The following RSPH3 variants were observed in gnomAD, a reference collection of about 807,000 sequenced individuals.
RSPH3 encodes the protein radial spoke head protein 3 homolog.
A neutral mutation model predicts 43.8 loss-of-function variants in RSPH3; 21 were observed. The observed-to-expected ratio is 0.48, with a 90% CI of 0.34 to 0.69. The LOEUF (loss-of-function observed/expected upper bound fraction) is 0.69. Among genes scored for constraint, RSPH3 ranks in the 30% least tolerant of loss-of-function variants. The pLI is 0.01. For synonymous variants in RSPH3, 173 were observed against 179.8 expected (o/e 0.96, Z 0.30); for missense variants, 487 against 516.0 (o/e 0.94, Z 0.54).
At chr6:158,994,788 A>C (rs1360583573) in intron 1 of RSPH3, among the ~76,000 whole-genome samples, 1 of 152,244 alleles carries the variant, frequency 6.6e-6, no homozygotes, top group Non-Finnish European at 1.5e-5. Context: ...TAGCTAAGAC[A>C]CTAAACATTG....
intron 2 of RSPH3, among the ~76,000 whole-genome samples, chr6:158,993,423 G>A (rs975238478): frequency 1.4e-5 from 2 of 147,134 alleles, no homozygotes; most frequent in Non-Finnish European, 3.0e-5. Flanking sequence ...GCCAACTGGG[G>A]CTTGCTTTTT....
At chr6:158,965,618 A>G in the RSPH3 span, among the ~76,000 whole-genome samples, 106 of 152,212 alleles carry the variant, frequency 7.0e-4, no homozygotes, top group African/African-American at 2.5e-3. Flanking sequence ...TGCGATTTTT[A>G]TAAACTATTG....
chr6:158,992,207 T>C (rs1197427075), intron 2 of RSPH3, among the ~76,000 whole-genome samples: 2 of 151,334 alleles, frequency 1.3e-5, no homozygotes, highest in South Asian at 4.2e-4. Context: ...ACGTATTTCT[T>C]GATACTCCCT....
In RSPH3 at chr6:159,000,041, C is replaced by T; in HGVS notation, c.-491G>A. Reference sequence around the variant, plus strand: ...GGCTTTGGAATGTGGCTTTGCAGGGCTGGTGTTGGCGCCATTCTCGCAGGC... The same window carrying T: ...GGCTTTGGAATGTGGCTTTGCAGGGTTGGTGTTGGCGCCATTCTCGCAGGC... On this transcript the variant is annotated 5_prime_UTR_variant, in exon 1 of 8. Coordinates refer to ENST00000367069, the MANE Select transcript of RSPH3 (RefSeq NM_031924.8). 1.4e-6 allele frequency: 2 copies of T among 1,469,024 alleles called. No homozygotes were observed. Among genetic ancestry groups the T allele is most frequent in the Non-Finnish European group, 1.8e-6 (2 of 1,097,414 alleles). 91.0% of individuals were successfully genotyped at this position (1,469,024 alleles called of 1,614,324 possible).
chr6:158,983,141 A>C (rs1778092114), intron 4 of RSPH3, among the ~76,000 whole-genome samples: 3 of 152,322 alleles, frequency 2.0e-5, no homozygotes, highest in Middle Eastern at 3.4e-3. Context: ...TCAAGTTCCC[A>C]CAAGTGTTAA....
rs971790982 is a variant in RSPH3, at chr6:158,976,842, G to C, written c.*696C>G. 9 of 152,354 alleles carry C rather than the reference G, an allele frequency of 5.9e-5. No homozygotes were observed. The highest frequency in any genetic ancestry group is 1.3e-4 in the Non-Finnish European group (9 of 68,498). The allele number at this position is 152,354 out of a possible 1,614,324, so 9.4% of individuals were successfully genotyped here. A position where few individuals can be genotyped will look rare whatever the true frequency, so the allele number is the denominator to read the frequency against. On this transcript the variant is annotated 3_prime_UTR_variant, in exon 8 of 8. Coordinates refer to ENST00000367069, the MANE Select transcript of RSPH3 (RefSeq NM_031924.8). ...TTTTTTCTTTTTTTTTTGAGACGGA[G>C]TTTTGCTCTTGTTGCCCAGGCTGGA...
At position 158,999,517 on chromosome 6, in the gene RSPH3, C is replaced by A; in HGVS notation, c.34G>T (p.Ala12Ser). 1 of 1,547,480 alleles carries A rather than the reference C, an allele frequency of 6.5e-7. No individual in the cohort carries two copies. The highest frequency in any genetic ancestry group is 1.2e-5 in the South Asian group (1 of 82,280). Residue 12 changes from alanine to serine, a missense_variant, in exon 1 of 8, where the codon GCC becomes TCC. Physicochemically the swap from Ala to Ser is moderately conservative, Grantham distance 99. Coordinates refer to ENST00000367069, the MANE Select transcript of RSPH3 (RefSeq NM_031924.8). ...CTGGTGTAGGTGTAGGTGCTCGGGG[C>A]CCGAGAGGTGCGATCAGTCAGCGCT... The part of the protein sequence containing the change: ...ASALTDRTSR[A>S]PSTYTYTSRP...
chr6:158,964,744 C>T, the RSPH3 span, among the ~76,000 whole-genome samples: 1 of 152,068 alleles, frequency 6.6e-6, no homozygotes, highest in Admixed American at 6.6e-5. Flanking sequence ...GCTTTGATAA[C>T]ATTTTCATCC....
rs770414867 is a variant in RSPH3, at chr6:158,993,880, C to G, written c.163G>C (p.Val55Leu). 51 of 1,612,324 alleles carry G rather than the reference C, an allele frequency of 3.2e-5. No individual in the cohort carries two copies. The highest frequency in any genetic ancestry group is 3.7e-5 in the Non-Finnish European group (44 of 1,178,640). ...AGTGCATAAGTGTTACCTCGAATTACCCTTCTGTCATACATTATGTTTCCA... is the reference window on the plus strand; with the variant it reads ...AGTGCATAAGTGTTACCTCGAATTAGCCTTCTGTCATACATTATGTTTCCA... ...HYGNIMYDRR[V>L]IRGNTYALQT... Residue 55 changes from valine to leucine, a missense_variant, in exon 2 of 8, where the codon GTA becomes CTA. Transcript: ENST00000367069.
chr6:158,996,243 A>C (rs1035160281), intron 1 of RSPH3, among the ~76,000 whole-genome samples: 1 of 152,254 alleles, frequency 6.6e-6, no homozygotes, highest in African/African-American at 2.4e-5. Context: ...AAATGAGGGA[A>C]TGTCATTATC....
chr6:158,977,702 T>G lies in RSPH3; in HGVS notation c.1093A>C (p.Met365Leu). Residue 365 changes from methionine to leucine, a missense_variant, in exon 8 of 8, where the codon ATG (methionine) becomes CTG (leucine). Physicochemically the swap from Met to Leu is conservative, Grantham distance 15 (BLOSUM62 2). Coordinates refer to ENST00000367069, the MANE Select transcript of RSPH3 (RefSeq NM_031924.8). ...LEASEFLEQS[M>L]SQTRELLLDG... is the part of the protein sequence containing the mutation. ...AAAAGCAGCTCCCGTGTCTGTGACA[T>G]GCTCTGCTCCAGGAATTCAGAGGCC... 1 of 1,614,194 alleles carries G rather than the reference T, an allele frequency of 6.2e-7. No homozygotes were observed. The highest frequency in any genetic ancestry group is 8.5e-7 in the Non-Finnish European group (1 of 1,180,030).
Position 159,000,148 on chromosome 6 carries a change from TAAC to T in RSPH3, c.-601_-599del. On this transcript the variant is annotated 5_prime_UTR_variant, in exon 1 of 8. Coordinates refer to ENST00000367069, the MANE Select transcript of RSPH3 (RefSeq NM_031924.8). ...CAGCGCTCCCAGGCTGCCCCCGCGA[TAAC>T]ACGCCCCTGGCAGCCAGGCTCCCAG... 1.5e-6 allele frequency: 1 copy of T among 653,402 alleles called. No homozygotes were observed. The highest frequency in any genetic ancestry group is 2.5e-6 in the Non-Finnish European group (1 of 406,096). 40.5% of individuals were successfully genotyped at this position (653,402 alleles called of 1,614,324 possible).
intron 2 of RSPH3, among the ~76,000 whole-genome samples, chr6:158,990,886 C>CTTT (rs372007100): frequency 7.6e-6 from 1 of 132,162 alleles, no homozygotes; most frequent in Non-Finnish European, 1.6e-5. Flanking sequence ...CTCTCTCAGC[C>CTTT]TTTTTTTTTT....
intron 1 of RSPH3, among the ~76,000 whole-genome samples, chr6:158,994,180 A>G (rs1778512329): frequency 6.6e-6 from 1 of 152,092 alleles, no homozygotes; most frequent in South Asian, 2.1e-4. Context: ...TTCCTTTTTC[A>G]GAAGGGGAAA....
chr6:158,989,934 G>A lies in RSPH3; in HGVS notation c.205-3513C>T, dbSNP rs967113387. On this transcript the variant is annotated intron_variant, in intron 2 of 7. Coordinates refer to ENST00000367069, the MANE Select transcript of RSPH3 (RefSeq NM_031924.8). The surrounding 1 kb of genome is among the most constrained non-coding windows in gnomAD (Gnocchi z 4.3). ...GGGAAAGGCAGACCCACCCTTAATC[G>A]GGGTGGGCACAATCTAATCAACTGC... 6.6e-6 allele frequency among the ~76,000 whole-genome samples: 1 copy of A among 152,098 alleles called. No individual in the cohort carries two copies. Among genetic ancestry groups the A allele is most frequent in the African/African-American group, 2.4e-5 (1 of 41,398 alleles).
chr6:158,974,838 A>T lies in RSPH3; in HGVS notation c.*2700T>A, dbSNP rs1395492948. ...ATGAAAGATAATCAACTTCAAATCA[A>T]TTTTAAGGTTTTTTTTTTTTGAGAA... On this transcript the variant is annotated 3_prime_UTR_variant, in exon 8 of 8. Coordinates refer to ENST00000367069, the MANE Select transcript of RSPH3 (RefSeq NM_031924.8). 6.6e-6 allele frequency: 1 copy of T among 150,486 alleles called. No homozygotes were observed. The highest frequency in any genetic ancestry group is 1.5e-5 in the Non-Finnish European group (1 of 67,574). The allele number at this position is 150,486 out of a possible 1,614,324, so 9.3% of individuals were successfully genotyped here. A position where few individuals can be genotyped will look rare whatever the true frequency, so the allele number is the denominator to read the frequency against.
chr6:158,977,975 C>T, intron 7 of RSPH3, 127 bp from the exon 8 acceptor site: 1 of 781,896 alleles, frequency 1.3e-6, no homozygotes, highest in Non-Finnish European at 2.0e-6. Context: ...TATGTCATAA[C>T]CTTTTTTGGA....
chr6:158,999,781 C>T lies in RSPH3; in HGVS notation c.-231G>A, dbSNP rs1171400977. The T allele has an allele frequency of 6.2e-7, 1 of 1,611,694 alleles. No homozygotes were observed. The highest frequency in any genetic ancestry group is 1.3e-5 in the African/African-American group (1 of 75,004). On this transcript the variant is annotated 5_prime_UTR_variant, in exon 1 of 8. Transcript: ENST00000367069. ...CAGAGACCAGCTGCGGGGGCCGCAT[C>T]GGTTGCCCAGCAACCCAGGGTTCTG... is the stretch of plus-strand genomic sequence containing the variant.
At chr6:158,982,413 A>G in intron 5 of RSPH3, 72 bp downstream of exon 5, 5 of 903,984 alleles carry the variant, frequency 5.5e-6, no homozygotes, top group Non-Finnish European at 8.3e-6. Flanking sequence ...ATATATCATC[A>G]CATGTAATTT....
Sources: allele counts gnomAD v4.1 joint callset (sites outside exome capture counted in the v4.1 genomes callset), GRCh38; gene constraint gnomAD v4.1.1; non-coding constraint Gnocchi (gnomAD v3.1); transcripts MANE v1.5; gene names NCBI Gene and HGNC (gene_info 2026-07-23, HGNC 2026-07-21).